Variants in PARP9 observed in about 807,000 individuals in gnomAD.
The protein encoded by PARP9 is poly(ADP-ribose) polymerase family member 9, also known as protein mono-ADP-ribosyltransferase PARP9.
Under a neutral mutation model 68.8 loss-of-function variants are expected in PARP9, and 48 were observed. That is an observed-to-expected ratio of 0.70 (90% CI 0.55 to 0.89). The LOEUF (loss-of-function observed/expected upper bound fraction) is 0.89. Ranked by LOEUF, PARP9 falls within the 40% of genes least tolerant of loss-of-function variation. PARP9 has a pLI of 0.00. For synonymous variants in PARP9, 309 were observed against 333.8 expected, an observed-to-expected ratio of 0.93 and a Z score of 0.81; for missense variants, 806 against 969.3, an observed-to-expected ratio of 0.83 and a Z score of 2.24.
At chr3:122,541,419 G>A (rs58806841) in intron 7 of PARP9, among the ~76,000 whole-genome samples, 50 of 152,230 alleles carry the variant, frequency 3.3e-4, no homozygotes, top group African/African-American at 1.1e-3. Context: ...TGTTGCATTT[G>A]GCAGTTCACA....
chr3:122,562,231 C>T (rs1358853446), intron 1 of PARP9, among the ~76,000 whole-genome samples: 2 of 149,604 alleles, frequency 1.3e-5, no homozygotes, highest in African/African-American at 5.0e-5. Context: ...TACTCTGTCG[C>T]CCAGGCTGTG....
chr3:122,548,784 C>T (rs2078963300), intron 6 of PARP9, among the ~76,000 whole-genome samples: 1 of 152,098 alleles, frequency 6.6e-6, no homozygotes, highest in South Asian at 2.1e-4. Context: ...TCCGAGGTCA[C>T]CTACAGATGA....
chr3:122,560,986 C>A (rs1296641630), intron 1 of PARP9, among the ~76,000 whole-genome samples: 1 of 152,190 alleles, frequency 6.6e-6, no homozygotes, highest in African/African-American at 2.4e-5. Flanking sequence ...CTAAGCATTC[C>A]ATTTCTTCCA....
chr3:122,546,972 A>G (rs1323914672), intron 6 of PARP9, among the ~76,000 whole-genome samples: 1 of 23,956 alleles, frequency 4.2e-5, no homozygotes, highest in East Asian at 3.5e-3. Context: ...ATGGCACTAT[A>G]TATATATATA....
chr3:122,545,832 A>C, intron 6 of PARP9: 1 of 244,686 alleles, frequency 4.1e-6, no homozygotes, highest in East Asian at 8.4e-5. Context: ...ACTGAAGAAG[A>C]AAACTATAGG....
intron 10 of PARP9, chr3:122,534,403 T>C (rs1471076434): frequency 6.1e-6 from 6 of 985,346 alleles, no homozygotes; most frequent in Non-Finnish European, 1.2e-6. Context: ...TTTTACAACA[T>C]GGAATAGGGA....
At chr3:122,531,539 C>T (rs563806653) in intron 10 of PARP9, among the ~76,000 whole-genome samples, 7 of 152,192 alleles carry the variant, frequency 4.6e-5, no homozygotes, top group South Asian at 2.1e-4. Flanking sequence ...GGGTGGATCA[C>T]GAGGTCAGGA....
intron 10 of PARP9, chr3:122,533,759 G>T: frequency 1.0e-6 from 1 of 985,428 alleles, no homozygotes; most frequent in Non-Finnish European, 1.2e-6. Context: ...ACAAGCAAGA[G>T]ATTTATTCAG....
At chr3:122,533,527 G>GA in intron 10 of PARP9, 1 of 294,826 alleles carries the variant, frequency 3.4e-6, no homozygotes, top group Non-Finnish European at 5.0e-6. Context: ...CATCGTAGAG[G>GA]AAAAAAGAGA....
At chr3:122,551,562 C>T (rs561982649) in intron 5 of PARP9, among the ~76,000 whole-genome samples, 4 of 152,122 alleles carry the variant, frequency 2.6e-5, no homozygotes, top group Non-Finnish European at 4.4e-5. Flanking sequence ...GGCAGTGGCG[C>T]GATCTCGGCT....
rs958582360 is a variant in PARP9, at chr3:122,553,724, G to A, written c.886-1085C>T. 3.3e-5 allele frequency among the ~76,000 whole-genome samples: 5 copies of A among 151,928 alleles called. 1 individual carries two copies. Among genetic ancestry groups the A allele is most frequent in the East Asian group, 3.9e-4 (2 of 5,174 alleles). On this transcript the variant is annotated intron_variant, in intron 4 of 10. Coordinates refer to ENST00000682323, the MANE Select transcript of PARP9 (RefSeq NM_001146105.2). ...TCTAAGACTATTTGATTGTGGTCAC[G>A]AGAGTCTTAAGTGTGACATCACTGA...
chr3:122,548,043 G>A (rs977799637), intron 6 of PARP9, among the ~76,000 whole-genome samples: 3 of 152,128 alleles, frequency 2.0e-5, no homozygotes, highest in African/African-American at 7.2e-5. Flanking sequence ...TGGGTGAGGC[G>A]CAGTGGGATA....
chr3:122,554,244 C>T (rs976973386), intron 4 of PARP9, among the ~76,000 whole-genome samples: 1 of 152,124 alleles, frequency 6.6e-6, no homozygotes, highest in Middle Eastern at 3.4e-3. Context: ...TCATACCCAT[C>T]GAAACTTGAG....
chr3:122,549,697 C>T (rs780779037), intron 6 of PARP9, among the ~76,000 whole-genome samples: 39 of 152,058 alleles, frequency 2.6e-4, no homozygotes, highest in Non-Finnish European at 1.9e-4. Flanking sequence ...GGGAGGATCA[C>T]TTGAGCCCAG....
In PARP9 at chr3:122,537,049, T is replaced by C. The variant is rs1282916621; in HGVS notation, c.1790A>G (p.Lys597Arg). The C allele has an allele frequency of 6.2e-7, 1 of 1,613,688 alleles. No individual in the cohort carries two copies. Among genetic ancestry groups the C allele is most frequent in the Non-Finnish European group, 8.5e-7 (1 of 1,179,748 alleles). The change falls in exon 9 of 11, where the codon AAA becomes AGA. Residue 597 changes from lysine to arginine, a missense_variant. By Grantham distance (26) the Lys-to-Arg change is conservative (BLOSUM62 2). Around this residue, in one of 2 missense-constraint regions of PARP9, gnomAD observed 680 missense variants for 858.8 expected, o/e 0.79. Transcript: ENST00000682323. ...ATTTTCTTTCATTTCGTCTTGGGTT[T>C]TTTGTTGCTGAATAGTCCACTGTCC... Reference protein sequence around the residue: ...SLGQWTIQQQKTQDEMKENII... With the variant: ...SLGQWTIQQQRTQDEMKENII...
At chr3:122,545,085 G>A (rs1353798384) in intron 7 of PARP9, among the ~76,000 whole-genome samples, 3 of 152,160 alleles carry the variant, frequency 2.0e-5, no homozygotes, top group Non-Finnish European at 2.9e-5. Flanking sequence ...ATTACAATAA[G>A]TAACCCTATT....
chr3:122,529,647 C>T (rs1347171127), intron 10 of PARP9, among the ~76,000 whole-genome samples: 1 of 149,838 alleles, frequency 6.7e-6, no homozygotes, highest in South Asian at 2.1e-4. Flanking sequence ...CCAGCTACTC[C>T]GGGGGCTGAG....
chr3:122,550,170 C>T (rs2079084494), intron 6 of PARP9, among the ~76,000 whole-genome samples: 1 of 152,162 alleles, frequency 6.6e-6, no homozygotes, highest in East Asian at 1.9e-4. Flanking sequence ...ATCTCCGCCT[C>T]CCAGGTTCAA....
intron 4 of PARP9, among the ~76,000 whole-genome samples, chr3:122,554,610 C>T (rs1359850691): frequency 6.6e-6 from 1 of 152,066 alleles, no homozygotes; most frequent in Non-Finnish European, 1.5e-5. Flanking sequence ...TATTATTATC[C>T]TCAATGTACA....
Sources: allele counts gnomAD v4.1 joint callset (sites outside exome capture counted in the v4.1 genomes callset), GRCh38; gene constraint gnomAD v4.1.1; regional missense constraint gnomAD v4.1.1; transcripts MANE v1.5; gene names NCBI Gene and HGNC (gene_info 2026-07-23, HGNC 2026-07-21).